The following LRRC4C variants were observed in gnomAD, a reference collection of about 807,000 sequenced individuals.
LRRC4C encodes leucine rich repeat containing 4C.
In LRRC4C, 5 loss-of-function variants were observed where a neutral mutation model predicts 33.6. The observed-to-expected ratio is 0.15, with a 90% CI of 0.08 to 0.31. The LOEUF (loss-of-function observed/expected upper bound fraction) is 0.31. LRRC4C is among the 10% of genes least tolerant of loss of function. LRRC4C has a pLI of 1.00. For synonymous variants in LRRC4C, 329 were observed against 302.0 expected, an observed-to-expected ratio of 1.09 and a Z score of -0.93; for missense variants, 560 against 796.7, an observed-to-expected ratio of 0.70 and a Z score of 3.58.
chr11:41,316,279 A>C (rs12575541), intron 1 of LRRC4C, among the ~76,000 whole-genome samples: 9,173 of 147,134 alleles, frequency 0.062, 475 homozygotes, highest in Non-Finnish European at 0.1. Context: ...AAAAAAAAAA[A>C]CAAAAAAAAA....
chr11:40,588,917 T>C (rs1958897036), intron 3 of LRRC4C, among the ~76,000 whole-genome samples: 2 of 152,138 alleles, frequency 1.3e-5, no homozygotes, highest in East Asian at 1.9e-4. Context: ...AATTTTGGAA[T>C]AGGTGTGGTG....
chr11:40,836,750 C>T (rs998713975), intron 2 of LRRC4C, among the ~76,000 whole-genome samples: 6 of 152,130 alleles, frequency 3.9e-5, no homozygotes, highest in Non-Finnish European at 5.9e-5. Flanking sequence ...TTTACCTCCC[C>T]TTGTTCTAAA....
At chr11:40,840,850 CA>C in intron 2 of LRRC4C, among the ~76,000 whole-genome samples, 1 of 152,146 alleles carries the variant, frequency 6.6e-6, no homozygotes, top group Non-Finnish European at 1.5e-5. Flanking sequence ...TTACTTTGTT[CA>C]ACATTATATG....
intron 3 of LRRC4C, among the ~76,000 whole-genome samples, chr11:40,417,407 C>T (rs1015647805): frequency 1.3e-5 from 2 of 152,116 alleles, no homozygotes; most frequent in African/African-American, 4.8e-5. Flanking sequence ...TCCCGGCTCA[C>T]TGCAACCTCT....
intron 1 of LRRC4C, among the ~76,000 whole-genome samples, chr11:41,289,392 C>T (rs1327005234): frequency 1.3e-5 from 2 of 152,274 alleles, no homozygotes; most frequent in East Asian, 3.9e-4. Context: ...TATGTATCCT[C>T]TAAAAATTTG....
chr11:40,411,649 T>C (rs1241837319), intron 3 of LRRC4C, among the ~76,000 whole-genome samples: 2 of 152,048 alleles, frequency 1.3e-5, no homozygotes, highest in Non-Finnish European at 2.9e-5. Flanking sequence ...TCTCAAGCCA[T>C]AAGATAAAGC....
rs2135875655 is a variant in LRRC4C at position 41,136,385 on chromosome 11, A to G, written c.-495-202662T>C. On this transcript the variant is annotated intron_variant, in intron 1 of 6. Coordinates refer to ENST00000528697, the MANE Select transcript of LRRC4C (RefSeq NM_001258419.2). ...ATTTCTGGACTGCAACTCAGTTTAT[A>G]TTGTACAGATGAACAAAAGAGATGG... Among the ~76,000 whole-genome samples, 2 of 152,292 alleles carry G rather than the reference A, an allele frequency of 1.3e-5. 1 individual carries two copies. The highest frequency in any genetic ancestry group is 4.1e-4 in the South Asian group (2 of 4,830).
intron 2 of LRRC4C, among the ~76,000 whole-genome samples, chr11:40,884,748 G>A (rs975695510): frequency 8.6e-5 from 13 of 151,954 alleles, no homozygotes; most frequent in Admixed American, 2.0e-4. Context: ...ACAATACTTC[G>A]CAATTTTTAT....
At chr11:40,554,121 G>T (rs1452338285) in intron 3 of LRRC4C, among the ~76,000 whole-genome samples, 1 of 152,104 alleles carries the variant, frequency 6.6e-6, no homozygotes, top group African/African-American at 2.4e-5. Context: ...TTTTTATATG[G>T]TAAGAAGTAT....
intron 2 of LRRC4C, among the ~76,000 whole-genome samples, chr11:40,882,145 T>C (rs979809847): frequency 2.6e-5 from 4 of 152,084 alleles, no homozygotes; most frequent in South Asian, 2.1e-4. Flanking sequence ...ATTTTGTTTA[T>C]AAAAACTGAC....
intron 5 of LRRC4C, among the ~76,000 whole-genome samples, chr11:40,182,470 C>A (rs890827472): frequency 1.3e-5 from 2 of 152,156 alleles, no homozygotes; most frequent in Non-Finnish European, 2.9e-5. Flanking sequence ...AGGCTTAGTG[C>A]CTTACTTAAT....
chr11:40,850,411 G>A (rs962518002), intron 2 of LRRC4C, among the ~76,000 whole-genome samples: 6 of 152,164 alleles, frequency 3.9e-5, no homozygotes, highest in Admixed American at 2.6e-4. Context: ...TAGGTCTGCT[G>A]GAGTTTGCTG....
intron 2 of LRRC4C, among the ~76,000 whole-genome samples, chr11:40,653,771 T>C (rs1942942037): frequency 6.6e-6 from 1 of 151,436 alleles, no homozygotes; most frequent in Non-Finnish European, 1.5e-5. Context: ...ACCAAGAAAA[T>C]GGGGAAAATA....
chr11:40,237,071 A>G (rs1028212589), intron 5 of LRRC4C, among the ~76,000 whole-genome samples: 1 of 152,204 alleles, frequency 6.6e-6, no homozygotes, highest in African/African-American at 2.4e-5. Flanking sequence ...AGCAGACTAT[A>G]TATCAACCTA....
At chr11:41,118,563 T>C (rs1373056608) in intron 1 of LRRC4C, among the ~76,000 whole-genome samples, 2 of 152,152 alleles carry the variant, frequency 1.3e-5, no homozygotes, top group Admixed American at 6.6e-5. Flanking sequence ...AACCCTAAAT[T>C]TCCCATTACG....
chr11:40,297,202 C>A (rs1395362711), intron 4 of LRRC4C, among the ~76,000 whole-genome samples: 2 of 152,256 alleles, frequency 1.3e-5, no homozygotes, highest in East Asian at 3.9e-4. Flanking sequence ...ATTTAACAAG[C>A]TGTAGGCAAC....
chr11:40,931,960 G>GAA (rs1957648952), intron 2 of LRRC4C, among the ~76,000 whole-genome samples: 2 of 152,066 alleles, frequency 1.3e-5, no homozygotes, highest in Non-Finnish European at 2.9e-5. Flanking sequence ...AAAAAGTTGA[G>GAA]AAATAAGTTC....
intron 4 of LRRC4C, among the ~76,000 whole-genome samples, chr11:40,308,158 A>G (rs1945129760): frequency 6.6e-6 from 1 of 151,796 alleles, no homozygotes. Context: ...TTTTCCCCCC[A>G]TCTCTTCCTG....
chr11:41,413,682 T>C (rs1347846750), intron 1 of LRRC4C, among the ~76,000 whole-genome samples: 1 of 152,200 alleles, frequency 6.6e-6, no homozygotes, highest in Non-Finnish European at 1.5e-5. Flanking sequence ...TAACTAACAC[T>C]GGTCCAGAAA....
Sources: gnomAD v4.1 joint callset for allele counts (sites outside exome capture counted in the v4.1 genomes callset) on GRCh38, gnomAD v4.1.1 for gene constraint, MANE v1.5 for transcripts, NCBI Gene and HGNC (gene_info 2026-07-23, HGNC 2026-07-21) for gene names.